CARD14: variants seen among roughly 807,000 people sequenced by gnomAD.
CARD14 encodes the protein caspase recruitment domain-containing protein 14.
In CARD14, 107 loss-of-function variants were observed where a neutral mutation model predicts 111.5. That is an observed-to-expected ratio of 0.96 (90% CI 0.82 to 1.13). CARD14 has a LOEUF of 1.13. Among genes scored for constraint, CARD14 ranks in the 50% most tolerant of loss-of-function variants. CARD14 has a pLI of 0.00. For synonymous variants in CARD14, 617 were observed against 579.6 expected (o/e 1.06, Z -0.93); for missense variants, 1,322 against 1,362.3 (o/e 0.97, Z 0.47).
In CARD14 at chr17:80,188,101, C is replaced by A. The variant is rs2040405008; in HGVS notation, c.676-276C>A. The stretch of plus-strand genomic sequence containing the variant: ...GAGATCCAGGAGTTGGTTATCAAGG[C>A]CTCTTGGTCTATTCCTGGGACCCTA... On this transcript the variant is annotated intron_variant, in intron 7 of 23. Transcript: ENST00000648509. This position sits in a 1 kb window ranked among gnomAD's most constrained non-coding sequence, Gnocchi z 4.5. The A allele has an allele frequency of 1.5e-5, 8 of 517,534 alleles. No homozygotes were observed. Among genetic ancestry groups the A allele is most frequent in the Non-Finnish European group, 2.1e-5 (8 of 376,862 alleles). The allele number at this position is 517,534 out of a possible 1,614,324, so 32.1% of individuals were successfully genotyped here.
intron 11 of CARD14, among the ~76,000 whole-genome samples, chr17:80,191,884 A>G (rs1433220360): frequency 1.3e-5 from 2 of 152,234 alleles, no homozygotes; most frequent in African/African-American, 2.4e-5. Context: ...ACAGACCTAC[A>G]TGTAACGGAG....
Position 80,208,288 on chromosome 17 carries a change from C to T in CARD14, c.2958C>T (p.Arg986=), listed in dbSNP as rs1274609208. The change falls in exon 24 of 24, where the codon CGC becomes CGT. Residue 986 remains arginine, a synonymous_variant. Coordinates refer to ENST00000648509, the MANE Select transcript of CARD14 (RefSeq NM_001366385.1). The part of the protein sequence containing the change: ...SDLDGLLSCV[R]QAIADEQKKV... ...TGGACGGCCTGCTCAGCTGTGTCCG[C>T]CAGGCCATCGCCGACGAGCAGAAGA... 2 of 1,602,272 alleles carry T rather than the reference C, an allele frequency of 1.2e-6. No individual in the cohort carries two copies. The highest frequency in any genetic ancestry group is 1.7e-6 in the Non-Finnish European group (2 of 1,175,948).
At position 80,184,571 on chromosome 17, in the gene CARD14, G is replaced by A. The variant is rs141790834; in HGVS notation, c.675+333G>A. Among the ~76,000 whole-genome samples the A allele has an allele frequency of 2.0e-3, 312 of 152,356 alleles. 2 individuals carry two copies. Among genetic ancestry groups the A allele is most frequent in the African/African-American group, 7.3e-3 (302 of 41,584 alleles). On this transcript the variant is annotated intron_variant, in intron 7 of 23. Transcript: ENST00000648509. ...GCTGCATATTTGTAGGGCCGCCTAC[G>A]TCCCACTGCCCAGCTGCGGCAGTGA...
rs35692270 is a variant in CARD14, at chr17:80,202,394, G to C, written c.2193G>C (p.Ala731=). The change falls in exon 18 of 24, where the codon GCG becomes GCC. Residue 731 remains alanine, a synonymous_variant. Coordinates refer to ENST00000648509, the MANE Select transcript of CARD14 (RefSeq NM_001366385.1). ...CTTACACCATGAAGGATACTGCCGCGCACGGCACCATCCCCAACTACTCCA... is the reference window on the plus strand; with the variant it reads ...CTTACACCATGAAGGATACTGCCGCCCACGGCACCATCCCCAACTACTCCA... ...VNSYTMKDTA[A]HGTIPNYSRA... The C allele has an allele frequency of 3.1e-6, 5 of 1,612,764 alleles. No individual in the cohort carries two copies. Among genetic ancestry groups the C allele is most frequent in the African/African-American group, 1.3e-5 (1 of 74,894 alleles).
intron 14 of CARD14, chr17:80,196,320 T>G (rs1192263475): frequency 6.6e-6 from 1 of 152,208 alleles, no homozygotes; most frequent in Non-Finnish European, 1.5e-5. Flanking sequence ...GGTCGCAGAA[T>G]CAGAAATCTT....
At chr17:80,185,662 C>T (rs536963128) in intron 7 of CARD14, among the ~76,000 whole-genome samples, 1 of 152,204 alleles carries the variant, frequency 6.6e-6, no homozygotes, top group Non-Finnish European at 1.5e-5. Flanking sequence ...TCCTTCACAG[C>T]CTTTCCCCCA....
At chr17:80,174,724 T>A (rs938062539) in intron 2 of CARD14, among the ~76,000 whole-genome samples, 62 of 152,288 alleles carry the variant, frequency 4.1e-4, no homozygotes, top group African/African-American at 1.5e-3. Context: ...CAGCCGGGCC[T>A]GGGTTCTCTC....
Position 80,195,082 on chromosome 17 carries a change from C to T in CARD14, c.1357-109C>T, listed in dbSNP as rs962522905. The T allele has an allele frequency of 2.4e-5, 33 of 1,400,124 alleles. No individual in the cohort carries two copies. In the African/African-American group the frequency reaches 3.5e-4, roughly 15 times the overall value. 86.7% of individuals were successfully genotyped at this position (1,400,124 alleles called of 1,614,324 possible). On this transcript the variant is annotated intron_variant, in intron 12 of 23. Transcript: ENST00000648509. This position sits in a 1 kb window ranked among gnomAD's most constrained non-coding sequence, Gnocchi z 4.7. ...GTGTCCTTCTTTCCCCTCCTGCCTCCTCTCCAGTCAGTTCTCACTGTGGCT... is the reference window on the plus strand; with the variant it reads ...GTGTCCTTCTTTCCCCTCCTGCCTCTTCTCCAGTCAGTTCTCACTGTGGCT...
rs763000467 is a variant in CARD14 at position 80,195,212 on chromosome 17, A to G, written c.1378A>G (p.Ser460Gly). 2.5e-6 allele frequency: 4 copies of G among 1,609,496 alleles called. No individual in the cohort carries two copies. The highest frequency in any genetic ancestry group is 3.4e-6 in the Non-Finnish European group (4 of 1,178,100). The stretch of plus-strand genomic sequence containing the variant: ...CCAGTCTCAGCTCTTGTCGGACCTG[A>G]GTGCCACGTCCAGCCGCGAGCTGGT... ...STESQLLSDL[S>G]ATSSRELVDS... The change falls in exon 13 of 24, where the codon AGT becomes GGT. Residue 460 changes from serine to glycine, a missense_variant. Ser to Gly is a moderately conservative substitution (Grantham distance 56). Coordinates refer to ENST00000648509, the MANE Select transcript of CARD14 (RefSeq NM_001366385.1). The surrounding 1 kb of genome is among the most constrained non-coding windows in gnomAD (Gnocchi z 4.7).
Position 80,201,440 on chromosome 17 carries a change from CT to C in CARD14, c.1852-301del. 1 of 369,720 alleles carries C rather than the reference CT, an allele frequency of 2.7e-6. No homozygotes were observed. Among genetic ancestry groups the C allele is most frequent in the Non-Finnish European group, 5.0e-6 (1 of 200,590 alleles). The allele number at this position is 369,720 out of a possible 1,614,324, so 22.9% of individuals were successfully genotyped here. A position where few individuals can be genotyped will look rare whatever the true frequency, so the allele number is the denominator to read the frequency against. On this transcript the variant is annotated intron_variant, in intron 16 of 23. Coordinates refer to ENST00000648509, the MANE Select transcript of CARD14 (RefSeq NM_001366385.1). This position sits in a 1 kb window ranked among gnomAD's most constrained non-coding sequence, Gnocchi z 5.0. ...TCTTGAATGTTCTAGAACCGAGGTTCTTTCTTTTCTTTTCTTTTCTTTTTCA... is the reference window on the plus strand; with the variant it reads ...TCTTGAATGTTCTAGAACCGAGGTTCTTCTTTTCTTTTCTTTTCTTTTTCA...
chr17:80,184,347 C>A, intron 7 of CARD14, 109 bp downstream of exon 7: 1 of 980,626 alleles, frequency 1.0e-6, no homozygotes. Flanking sequence ...CCTTGTCTAA[C>A]ACTTCCCTGC....
At chr17:80,204,386 G>A in intron 20 of CARD14, 45 bp downstream of exon 20, 1 of 1,499,662 alleles carries the variant, frequency 6.7e-7, no homozygotes. Flanking sequence ...CTCCAAGTGG[G>A]TGAGGGGCTT....
Position 80,203,687 on chromosome 17 carries a change from G to C in CARD14, c.2220-135G>C. 1 of 624,028 alleles carries C rather than the reference G, an allele frequency of 1.6e-6. No homozygotes were observed. 38.7% of individuals were successfully genotyped at this position (624,028 alleles called of 1,614,324 possible). A position where few individuals can be genotyped will look rare whatever the true frequency, so the allele number is the denominator to read the frequency against. On this transcript the variant is annotated intron_variant, in intron 18 of 23. Transcript: ENST00000648509. The surrounding 1 kb of genome is among the most constrained non-coding windows in gnomAD (Gnocchi z 4.6). ...ATGGAGCGCTCCAGCCTGCAGCAAA[G>C]GGATGTGTGGAGCTCTAGGTGGAGG...
At position 80,189,661 on chromosome 17, in the gene CARD14, C is replaced by A; in HGVS notation, c.844-92C>A. 1 of 1,379,294 alleles carries A rather than the reference C, an allele frequency of 7.3e-7. No homozygotes were observed. The highest frequency in any genetic ancestry group is 9.5e-7 in the Non-Finnish European group (1 of 1,054,554). The allele number at this position is 1,379,294 out of a possible 1,614,324, so 85.4% of individuals were successfully genotyped here. ...GACTGCATCCGTCCACACACCTGAC[C>A]GTGCAGTTGCCGCCATCTTCTCGGG... is the stretch of plus-strand genomic sequence containing the variant. On this transcript the variant is annotated intron_variant, in intron 8 of 23. Coordinates refer to ENST00000648509, the MANE Select transcript of CARD14 (RefSeq NM_001366385.1). This position sits in a 1 kb window ranked among gnomAD's most constrained non-coding sequence, Gnocchi z 4.7.
chr17:80,174,467 C>A (rs1489323432), intron 2 of CARD14, among the ~76,000 whole-genome samples: 2 of 152,214 alleles, frequency 1.3e-5, no homozygotes, highest in Non-Finnish European at 2.9e-5. Flanking sequence ...CCCGTCTCTG[C>A]CTCCCAAAGT....
Position 80,201,619 on chromosome 17 carries a change from G to T in CARD14, c.1852-125G>T. On this transcript the variant is annotated intron_variant, in intron 16 of 23. Transcript: ENST00000648509. The surrounding 1 kb of genome is among the most constrained non-coding windows in gnomAD (Gnocchi z 5.0). ...TGTGTGGCTTTGTTTTGACCAAGGC[G>T]TGCAGGCAGTGGTCCTACGGCAGGG... is the stretch of plus-strand genomic sequence containing the variant. The T allele has an allele frequency of 1.0e-6, 1 of 952,514 alleles. No individual in the cohort carries two copies. The highest frequency in any genetic ancestry group is 1.7e-6 in the Non-Finnish European group (1 of 594,456). 59.0% of individuals were successfully genotyped at this position (952,514 alleles called of 1,614,324 possible).
chr17:80,181,672 C>A (rs1053020506), intron 5 of CARD14, 23 bp downstream of exon 5: 73 of 1,525,380 alleles, frequency 4.8e-5, no homozygotes, highest in Non-Finnish European at 6.0e-5. Context: ...CCCTCTTCCC[C>A]ACCTCTTCCA....
chr17:80,187,763 G>A (rs1261972327), intron 7 of CARD14: 5 of 985,346 alleles, frequency 5.1e-6, no homozygotes, highest in Non-Finnish European at 6.0e-6. Context: ...AAGAGGGCGG[G>A]CCCGTGGCTC....
chr17:80,201,357 G>A lies in CARD14; in HGVS notation c.1852-387G>A. On this transcript the variant is annotated intron_variant, in intron 16 of 23. Coordinates refer to ENST00000648509, the MANE Select transcript of CARD14 (RefSeq NM_001366385.1). This position sits in a 1 kb window ranked among gnomAD's most constrained non-coding sequence, Gnocchi z 5.0. Reference sequence around the variant, plus strand: ...GCCACTCAGCATCCTGTAGGGCCCGGTATAGCCCGCAGCAGCACAGAATGA... The same window carrying A: ...GCCACTCAGCATCCTGTAGGGCCCGATATAGCCCGCAGCAGCACAGAATGA... The A allele has an allele frequency of 4.9e-6, 1 of 205,562 alleles. No homozygotes were observed. Among genetic ancestry groups the A allele is most frequent in the South Asian group, 6.5e-5 (1 of 15,416 alleles). The allele number at this position is 205,562 out of a possible 1,614,324, so 12.7% of individuals were successfully genotyped here.
Sources: allele counts gnomAD v4.1 joint callset (sites outside exome capture counted in the v4.1 genomes callset), GRCh38; gene constraint gnomAD v4.1.1; non-coding constraint Gnocchi (gnomAD v3.1); transcripts MANE v1.5; gene names NCBI Gene and HGNC (gene_info 2026-07-23, HGNC 2026-07-21).